PCNT: variants seen among roughly 807,000 people sequenced by gnomAD.
PCNT encodes kendrin.
A neutral mutation model predicts 380.4 loss-of-function variants in PCNT; 319 were observed. The ratio of observed to expected loss-of-function variants is 0.84; its 90% confidence interval spans 0.77 to 0.92. The LOEUF is 0.92. PCNT is among the 40% of genes least tolerant of loss of function. The pLI is 0.00. For missense variants in PCNT, 4,400 were observed against 4,255.3 expected, an observed-to-expected ratio of 1.03 and a Z score of -0.95; for synonymous variants, 1,845 against 1,735.2, an observed-to-expected ratio of 1.06 and a Z score of -1.57.
intron 11 of PCNT, 90 bp from the exon 12 acceptor site, chr21:46,355,362 G>C (rs543995621): frequency 1.2e-5 from 16 of 1,367,804 alleles, no homozygotes; most frequent in Non-Finnish European, 1.5e-5. Flanking sequence ...AGTTTTCTTT[G>C]TGCATAGCAG....
intron 4 of PCNT, among the ~76,000 whole-genome samples, chr21:46,346,518 G>A (rs945947952): frequency 6.6e-6 from 1 of 152,180 alleles, no homozygotes; most frequent in African/African-American, 2.4e-5. Flanking sequence ...GGGAATTCGG[G>A]GTGCTGGTGC....
chr21:46,356,822 C>T, intron 12 of PCNT, 152 bp from the exon 13 acceptor site: 2 of 683,144 alleles, frequency 2.9e-6, no homozygotes, highest in Non-Finnish European at 5.2e-6. Context: ...AGAGCCATGC[C>T]TGCTTTCATC....
chr21:46,393,369 T>C (rs1291540753), intron 21 of PCNT, among the ~76,000 whole-genome samples: 1 of 152,210 alleles, frequency 6.6e-6, no homozygotes, highest in African/African-American at 2.4e-5. Context: ...TCTCAGCATC[T>C]TTGCCCTGGC....
At chr21:46,421,287 G>A (rs558724273) in intron 31 of PCNT, among the ~76,000 whole-genome samples, 34 of 151,574 alleles carry the variant, frequency 2.2e-4, no homozygotes, top group African/African-American at 7.1e-4. Context: ...GCCCCGTCTC[G>A]CTGGCATCCT....
rs1170093958 is a variant in PCNT at position 46,416,732 on chromosome 21, C to G, written c.6814C>G (p.Gln2272Glu). ...GGCGGACACCTCGCTGCCACAGACCCAGGGGCCGGGGCTGCTTTGTTCCCC... is the reference window on the plus strand; with the variant it reads ...GGCGGACACCTCGCTGCCACAGACCGAGGGGCCGGGGCTGCTTTGTTCCCC... ...DRADTSLPQT[Q>E]GPGLLCSPGV... The change falls in exon 30 of 47, where the codon CAG (glutamine) becomes GAG (glutamate). Residue 2272 changes from glutamine to glutamate, a missense_variant. Physicochemically the swap from Gln to Glu is conservative, Grantham distance 29. Transcript: ENST00000359568. The G allele has an allele frequency of 3.1e-6, 5 of 1,591,958 alleles. No homozygotes were observed. Among genetic ancestry groups the G allele is most frequent in the Non-Finnish European group, 3.4e-6 (4 of 1,167,166 alleles).
In PCNT at chr21:46,346,232, G is replaced by C. The variant is rs373262197; in HGVS notation, c.720+24G>C. 5.7e-6 allele frequency: 9 copies of C among 1,588,088 alleles called. No individual in the cohort carries two copies. The African/African-American group carries it at 1.2e-4, about 21-fold the overall frequency. ...AGGTGACCCGGCGGGGCCTGCACAG[G>C]CTCACAGCATGGGCTCTGTTATCCC... On this transcript the variant is annotated intron_variant, in intron 4 of 46. Transcript: ENST00000359568.
intron 3 of PCNT, 96 bp from the exon 4 acceptor site, chr21:46,346,032 G>C: frequency 8.5e-7 from 1 of 1,173,866 alleles, no homozygotes; most frequent in Admixed American, 1.7e-5. Flanking sequence ...AGCTGCGAAC[G>C]GGGTTTTGTG....
At position 46,412,887 on chromosome 21, in the gene PCNT, G is replaced by C; in HGVS notation, c.6045G>C (p.Lys2015Asn). ...CGTTGAAGGATGCACCTCTCTGCAA[G>C]CAAGAAGGCGTGATGTCAGTGCTCA... ...LVTLKDAPLC[K>N]QEGVMSVLTV... The change falls in exon 29 of 47, where the codon AAG becomes AAC. Residue 2015 changes from lysine to asparagine, a missense_variant. By Grantham distance (94) the Lys-to-Asn change is moderately conservative. Transcript: ENST00000359568. The C allele has an allele frequency of 1.2e-6, 2 of 1,612,886 alleles. No individual in the cohort carries two copies. Among genetic ancestry groups the C allele is most frequent in the Non-Finnish European group, 1.7e-6 (2 of 1,180,028 alleles).
chr21:46,358,809 T>A (rs767285006), intron 13 of PCNT, among the ~76,000 whole-genome samples: 13 of 151,662 alleles, frequency 8.6e-5, no homozygotes, highest in South Asian at 4.2e-4. Flanking sequence ...TATTTTTTTT[T>A]ATTTTTTTTG....
intron 27 of PCNT, among the ~76,000 whole-genome samples, chr21:46,408,239 G>T (rs912410397): frequency 1.3e-5 from 2 of 152,116 alleles, no homozygotes; most frequent in Non-Finnish European, 2.9e-5. Context: ...GCCTGTGTCT[G>T]TTCCTTTAGT....
At chr21:46,427,323 A>C (rs1448700927) in intron 33 of PCNT, among the ~76,000 whole-genome samples, 1 of 152,220 alleles carries the variant, frequency 6.6e-6, no homozygotes, top group African/African-American at 2.4e-5. Flanking sequence ...AGAACACCCC[A>C]GACCAGGGGG....
At chr21:46,413,967 C>T (rs536750731) in intron 29 of PCNT, among the ~76,000 whole-genome samples, 1 of 151,006 alleles carries the variant, frequency 6.6e-6, no homozygotes, top group South Asian at 2.1e-4. Flanking sequence ...GCATCAGGTG[C>T]AGATGGCACC....
At chr21:46,391,426 C>CA in intron 21 of PCNT, 50 bp downstream of exon 21, 1 of 1,441,772 alleles carries the variant, frequency 6.9e-7, no homozygotes, top group Non-Finnish European at 9.5e-7. Flanking sequence ...GGCGCGGATA[C>CA]AGCTGCCACG....
chr21:46,362,301 T>C (rs567364494), intron 13 of PCNT, among the ~76,000 whole-genome samples: 66 of 152,342 alleles, frequency 4.3e-4, no homozygotes, highest in African/African-American at 1.5e-3. Flanking sequence ...TTGGGATTTC[T>C]GTGTGTGGGG....
At chr21:46,394,554 AT>A in intron 21 of PCNT, 1 of 983,624 alleles carries the variant, frequency 1.0e-6, no homozygotes, top group Non-Finnish European at 1.2e-6. Context: ...AAGACAAACG[AT>A]TGATTTGTGT....
At chr21:46,432,428 C>T (rs1442661279) in intron 38 of PCNT, among the ~76,000 whole-genome samples, 5 of 152,192 alleles carry the variant, frequency 3.3e-5, no homozygotes, top group Non-Finnish European at 7.3e-5. Flanking sequence ...CTTCGTTCTT[C>T]CTCTTCAAGA....
intron 38 of PCNT, among the ~76,000 whole-genome samples, chr21:46,432,565 G>C (rs2147994198): frequency 6.6e-6 from 1 of 152,342 alleles, no homozygotes; most frequent in Middle Eastern, 3.4e-3. Flanking sequence ...GCTCTGGGTA[G>C]TATTGACATC....
At chr21:46,390,474 G>T (rs1436011478) in intron 19 of PCNT, among the ~76,000 whole-genome samples, 196 bp from the exon 20 acceptor site, 1 of 152,044 alleles carries the variant, frequency 6.6e-6, no homozygotes, top group African/African-American at 2.4e-5. Context: ...GCTGAGGAGG[G>T]GTCCTCATTG....
At position 46,428,539 on chromosome 21, in the gene PCNT, A is replaced by T. The variant is rs2087606615; in HGVS notation, c.7639A>T (p.Thr2547Ser). The T allele has an allele frequency of 1.9e-6, 3 of 1,609,888 alleles. No individual in the cohort carries two copies. The South Asian group carries it at 3.3e-5, about 18-fold the overall frequency. ...EKLQHLRTAL[T>S]SAEARGSQQE... ...GCTGCAGCACTTGCGCACGGCGCTG[A>T]CAAGCGCAGAGGCGCGCGGGAGCCA... The change falls in exon 35 of 47, where the codon ACA becomes TCA. Residue 2547 changes from threonine (T) to serine (S), a missense_variant. Physicochemically the swap from Thr to Ser is moderately conservative, Grantham distance 58. Transcript: ENST00000359568.
Sources: gnomAD v4.1 joint callset for allele counts (sites outside exome capture counted in the v4.1 genomes callset) on GRCh38, gnomAD v4.1.1 for gene constraint, MANE v1.5 for transcripts, NCBI Gene and HGNC (gene_info 2026-07-23, HGNC 2026-07-21) for gene names.